The following DIAPH2 variants were observed in gnomAD, a reference collection of about 807,000 sequenced individuals.
DIAPH2 encodes diaphanous related formin 2, also known as protein diaphanous homolog 2.
In DIAPH2, 35 loss-of-function variants were observed where a neutral mutation model predicts 92.7. That is an observed-to-expected ratio of 0.38 (90% CI 0.29 to 0.50). The LOEUF (loss-of-function observed/expected upper bound fraction) is 0.50. DIAPH2 is among the 20% of genes least tolerant of loss of function. DIAPH2 has a pLI of 0.94. For synonymous variants in DIAPH2, 301 were observed against 280.4 expected, an observed-to-expected ratio of 1.07 and a Z score of -0.73; for missense variants, 701 against 819.5, an observed-to-expected ratio of 0.86 and a Z score of 1.77.
chrX:97,403,606 T>C (rs983218408), intron 25 of DIAPH2, among the ~76,000 whole-genome samples: 1 of 112,026 alleles, frequency 8.9e-6, no homozygotes, highest in Non-Finnish European at 1.9e-5. Flanking sequence ...ATAGGACTTA[T>C]AGCATTTCAT....
At chrX:96,867,296 G>A (rs1211661673) in intron 4 of DIAPH2, among the ~76,000 whole-genome samples, 1 of 111,006 alleles carries the variant, frequency 9.0e-6, no homozygotes, top group Non-Finnish European at 1.9e-5. Context: ...TCGGCTCACT[G>A]CAACCTCCGC....
intron 20 of DIAPH2, among the ~76,000 whole-genome samples, chrX:97,106,309 T>C (rs1174655947): frequency 8.9e-6 from 1 of 111,737 alleles, no homozygotes; most frequent in Non-Finnish European, 1.9e-5. Context: ...TATATTCATT[T>C]TATCTGAGGA....
rs2067351156 is a variant in DIAPH2, at chrX:97,159,611, G to A, written c.2719+17817G>A. On this transcript the variant is annotated intron_variant, in intron 22 of 26. Coordinates refer to ENST00000324765, the MANE Select transcript of DIAPH2 (RefSeq NM_006729.5). ...TAGTGTGTGCCACGAGGATTGAAAA[G>A]TTAAACTGACAAGTTTGAGATTTTG... is the stretch of plus-strand genomic sequence containing the variant. Among the ~76,000 whole-genome samples, 3 of 111,803 alleles carry A rather than the reference G, an allele frequency of 2.7e-5. No individual in the cohort carries two copies. The South Asian group carries it at 1.1e-3, about 42-fold the overall frequency.
chrX:97,069,710 T>C (rs1209738576), intron 17 of DIAPH2, among the ~76,000 whole-genome samples: 1 of 112,086 alleles, frequency 8.9e-6, no homozygotes, highest in African/African-American at 3.2e-5. Flanking sequence ...AAAGTAGTTA[T>C]ACAAATTTTA....
At chrX:97,007,287 A>G (rs1181198172) in intron 17 of DIAPH2, among the ~76,000 whole-genome samples, 1 of 111,518 alleles carries the variant, frequency 9.0e-6, no homozygotes, top group East Asian at 2.8e-4. Context: ...TGCACCTTCA[A>G]ATGATTTCTT....
chrX:97,052,409 A>G (rs2066526728), intron 17 of DIAPH2, among the ~76,000 whole-genome samples: 1 of 111,084 alleles, frequency 9.0e-6, no homozygotes, highest in South Asian at 3.8e-4. Flanking sequence ...TGGGGGAAGC[A>G]GGGGTACCTT....
chrX:96,709,460 G>A (rs967832627), intron 1 of DIAPH2, among the ~76,000 whole-genome samples: 1 of 111,753 alleles, frequency 8.9e-6, no homozygotes, highest in African/African-American at 3.3e-5. Context: ...AGTCCAAAAG[G>A]ATTCATATGG....
intron 17 of DIAPH2, among the ~76,000 whole-genome samples, chrX:96,969,552 G>A (rs1221180705): frequency 9.2e-6 from 1 of 109,122 alleles, no homozygotes; most frequent in Non-Finnish European, 1.9e-5. Flanking sequence ...TTATTAGTAT[G>A]TAGAAATGAC....
At position 97,604,006 on chromosome X, in the gene DIAPH2, C is replaced by G. The variant is rs363772; in HGVS notation, c.*4689C>G. ...TCCCATGGCTGCTGTAACAAATTAC[C>G]CTCTAGCCCAGTGGCTTAAAACAAT... is the stretch of plus-strand genomic sequence containing the variant. On this transcript the variant is annotated 3_prime_UTR_variant, in exon 27 of 27. Transcript: ENST00000324765. 1.8e-5 allele frequency: 2 copies of G among 112,655 alleles called. No homozygotes were observed. Among genetic ancestry groups the G allele is most frequent in the African/African-American group, 6.5e-5 (2 of 30,975 alleles). 9.3% of individuals were successfully genotyped at this position (112,655 alleles called of 1,213,427 possible). A position where few individuals can be genotyped will look rare whatever the true frequency, so the allele number is the denominator to read the frequency against.
rs372843672 is a variant in DIAPH2, at chrX:97,348,138, A to G, written c.2867A>G (p.Glu956Gly). ...TACAGCTTTACAAAGACTGCCCGAGAACAGTATGAAAAACTCTCCACCATG... is the reference window on the plus strand; with the variant it reads ...TACAGCTTTACAAAGACTGCCCGAGGACAGTATGAAAAACTCTCCACCATG... The part of the protein sequence containing the change: ...KMTSFTKTAR[E>G]QYEKLSTMHN... Residue 956 changes from glutamate (E) to glycine (G), a missense_variant, in exon 24 of 27, where the codon GAA becomes GGA. Physicochemically the swap from Glu to Gly is moderately conservative, Grantham distance 98. Coordinates refer to ENST00000324765, the MANE Select transcript of DIAPH2 (RefSeq NM_006729.5). 2 of 1,209,614 alleles carry G rather than the reference A, an allele frequency of 1.7e-6. No individual in the cohort carries two copies. The highest frequency in any genetic ancestry group is 3.5e-5 in the African/African-American group (2 of 57,185).
chrX:97,429,804 C>T, intron 26 of DIAPH2, 59 bp downstream of exon 26: 1 of 967,255 alleles, frequency 1.0e-6, no homozygotes, highest in Non-Finnish European at 1.4e-6. Flanking sequence ...AGCAAAGTAG[C>T]AACACCAAAA....
At chrX:97,338,166 C>G (rs1202607236) in intron 23 of DIAPH2, among the ~76,000 whole-genome samples, 1 of 111,207 alleles carries the variant, frequency 9.0e-6, no homozygotes, top group Non-Finnish European at 1.9e-5. Flanking sequence ...GCCACCGTAC[C>G]TGGCCTATAA....
intron 23 of DIAPH2, among the ~76,000 whole-genome samples, chrX:97,257,831 G>A (rs750801354): frequency 9.0e-6 from 1 of 110,585 alleles, no homozygotes; most frequent in East Asian, 2.8e-4. Context: ...CTTTTAACAT[G>A]CCTTGCAAAA....
intron 22 of DIAPH2, among the ~76,000 whole-genome samples, chrX:97,218,661 A>G (rs1046459856): frequency 1.8e-5 from 2 of 111,102 alleles, no homozygotes; most frequent in Non-Finnish European, 3.8e-5. Context: ...AACTGGTTCT[A>G]TAACTGCTGG....
chrX:96,808,278 A>C (rs370373096), intron 4 of DIAPH2, among the ~76,000 whole-genome samples: 1 of 110,842 alleles, frequency 9.0e-6, no homozygotes, highest in East Asian at 2.8e-4. Flanking sequence ...TAAATGTGGA[A>C]TAAATAAAGG....
intron 26 of DIAPH2, chrX:97,564,354 G>T (rs2071312478): frequency 8.9e-6 from 1 of 112,497 alleles, no homozygotes; most frequent in Admixed American, 9.4e-5. Context: ...TGGGTAATTT[G>T]TAAACGACAG....
intron 22 of DIAPH2, among the ~76,000 whole-genome samples, chrX:97,212,758 G>A (rs1449348362): frequency 4.5e-5 from 5 of 110,058 alleles, no homozygotes; most frequent in Non-Finnish European, 9.5e-5. Context: ...TGAGACATTA[G>A]TCTCCTCCCA....
chrX:97,279,311 T>C (rs1452867328), intron 23 of DIAPH2, among the ~76,000 whole-genome samples: 1 of 94,445 alleles, frequency 1.1e-5, no homozygotes, highest in Admixed American at 1.1e-4. Flanking sequence ...TTTTTGAGAC[T>C]TTTTTTTTTT....
intron 26 of DIAPH2, among the ~76,000 whole-genome samples, chrX:97,471,304 T>C (rs16982423): frequency 0.028 from 3,075 of 111,623 alleles, 102 homozygotes; most frequent in African/African-American, 0.096. Flanking sequence ...CATAGGTCTG[T>C]TCTCCCTTTT....
Sources: allele counts gnomAD v4.1 joint callset (sites outside exome capture counted in the v4.1 genomes callset), GRCh38; gene constraint gnomAD v4.1.1; transcripts MANE v1.5; gene names NCBI Gene and HGNC (gene_info 2026-07-23, HGNC 2026-07-21).